The following RALGPS1 variants were observed in gnomAD, a reference collection of about 807,000 sequenced individuals.
The protein encoded by RALGPS1 is Ral GEF with PH domain and SH3 binding motif 1, also known as ras-specific guanine nucleotide-releasing factor RalGPS1.
Under a neutral mutation model 78.8 loss-of-function variants are expected in RALGPS1, and 19 were observed. The ratio of observed to expected loss-of-function variants is 0.24; its 90% CI spans 0.17 to 0.35. The LOEUF is 0.35. Ranked by LOEUF, RALGPS1 falls within the 10% of genes least tolerant of loss-of-function variation. The probability of loss-of-function intolerance (pLI) is 1.00; values close to 1 mark genes in which losing one functional copy is unlikely to be tolerated. For synonymous variants in RALGPS1, 228 were observed against 256.3 expected (o/e 0.89, Z 1.06); for missense variants, 454 against 688.3 (o/e 0.66, Z 3.81).
At chr9:127,175,034 G>A (rs1169222327) in intron 11 of RALGPS1, among the ~76,000 whole-genome samples, 1 of 152,232 alleles carries the variant, frequency 6.6e-6, no homozygotes, top group Non-Finnish European at 1.5e-5. Flanking sequence ...AGCCCCAAGA[G>A]AGGCAGGATC....
chr9:127,031,795 T>C (rs1285465200), intron 4 of RALGPS1, among the ~76,000 whole-genome samples: 1 of 152,260 alleles, frequency 6.6e-6, no homozygotes, highest in Non-Finnish European at 1.5e-5. Context: ...ACATGCATTC[T>C]AGTGCGAAAG....
At chr9:127,199,186 G>A in intron 14 of RALGPS1, 120 bp downstream of exon 14, 2 of 907,792 alleles carry the variant, frequency 2.2e-6, no homozygotes, top group Non-Finnish European at 3.7e-6. Context: ...CTGCTCTGTG[G>A]CTCCTTCAGC....
In RALGPS1 at chr9:126,956,868, A is replaced by C. The variant is rs539314603; in HGVS notation, c.-65-5357A>C. On this transcript the variant is annotated intron_variant, in intron 1 of 18. Coordinates refer to ENST00000259351, the MANE Select transcript of RALGPS1 (RefSeq NM_014636.3). ...TTGATTGAGTACTTGCCCTATGTCC[A>C]GCCCTGATGGAGCATTTTAAACACG... 3.3e-5 allele frequency among the ~76,000 whole-genome samples: 5 copies of C among 152,376 alleles called. No homozygotes were observed. The East Asian group carries it at 9.6e-4, about 29-fold the overall frequency.
At chr9:127,004,406 A>G (rs957113971) in intron 4 of RALGPS1, among the ~76,000 whole-genome samples, 4 of 152,236 alleles carry the variant, frequency 2.6e-5, no homozygotes, top group African/African-American at 9.6e-5. Context: ...TTGGCTTCCC[A>G]AAGTGTTGGG....
At chr9:127,175,316 A>G (rs2059798919) in intron 11 of RALGPS1, among the ~76,000 whole-genome samples, 1 of 152,196 alleles carries the variant, frequency 6.6e-6, no homozygotes, top group African/African-American at 2.4e-5. Context: ...TTTACCTGTA[A>G]TCTTCAGTGG....
At chr9:127,174,669 T>A (rs1002690853) in intron 10 of RALGPS1, 46 bp from the exon 11 acceptor site, 1 of 1,571,442 alleles carries the variant, frequency 6.4e-7, no homozygotes, top group African/African-American at 1.3e-5. Context: ...GGTTCCTGTG[T>A]GGTAAACCAG....
At chr9:126,990,155 C>T (rs184045458) in intron 4 of RALGPS1, 2 of 833,862 alleles carry the variant, frequency 2.4e-6, no homozygotes, top group Middle Eastern at 3.4e-4. Flanking sequence ...AAGAATGTGG[C>T]CAGCAGGCAG....
chr9:127,042,018 A>C (rs551897653), intron 5 of RALGPS1, among the ~76,000 whole-genome samples: 98 of 152,340 alleles, frequency 6.4e-4, no homozygotes, highest in Middle Eastern at 3.4e-3. Flanking sequence ...GTTTCTAAGA[A>C]AACTGTGAAT....
chr9:127,181,252 C>T (rs2060197892), intron 11 of RALGPS1, among the ~76,000 whole-genome samples: 1 of 152,244 alleles, frequency 6.6e-6, no homozygotes, highest in Non-Finnish European at 1.5e-5. Context: ...CCAAGAGTTA[C>T]GTAATACCAG....
intron 8 of RALGPS1, among the ~76,000 whole-genome samples, chr9:127,073,448 G>GTGTGTGTCTGTGTGTGTC: frequency 7.4e-6 from 1 of 134,418 alleles, no homozygotes. Context: ...GTACACCATT[G>GTGTGTGTCTGTGTGTGTC]TGTGTGTGTG....
rs1479180733 is a variant in RALGPS1, at chr9:127,091,123, C to G, written c.610+21767C>G. Among the ~76,000 whole-genome samples, 3 of 152,346 alleles carry G rather than the reference C, an allele frequency of 2.0e-5. No homozygotes were observed. The East Asian group carries it at 5.8e-4, about 29-fold the overall frequency. ...TTTGTATGGAGCCCTCGCTATGTGC[C>G]AAATCCTAGACAAAGCACTTTAGGT... is the stretch of plus-strand genomic sequence containing the variant. On this transcript the variant is annotated intron_variant, in intron 8 of 18. Coordinates refer to ENST00000259351, the MANE Select transcript of RALGPS1 (RefSeq NM_014636.3). The surrounding 1 kb of genome is among the most constrained non-coding windows in gnomAD (Gnocchi z 4.3).
At chr9:127,067,625 C>T (rs554978991) in intron 7 of RALGPS1, among the ~76,000 whole-genome samples, 1 of 152,332 alleles carries the variant, frequency 6.6e-6, no homozygotes, top group East Asian at 1.9e-4. Context: ...CACTGGCCTA[C>T]GTCAGTCTGA....
At chr9:127,196,021 G>T (rs1383792182) in intron 12 of RALGPS1, among the ~76,000 whole-genome samples, 1 of 152,204 alleles carries the variant, frequency 6.6e-6, no homozygotes, top group South Asian at 2.1e-4. Context: ...CCTCTGAGGT[G>T]GGTGCTATTA....
At chr9:127,015,007 A>G (rs2044687431) in intron 4 of RALGPS1, among the ~76,000 whole-genome samples, 1 of 152,216 alleles carries the variant, frequency 6.6e-6, no homozygotes, top group African/African-American at 2.4e-5. Flanking sequence ...TAAATAAAAT[A>G]AAGTAGATTT....
chr9:127,037,191 A>C (rs1039875594), intron 5 of RALGPS1, among the ~76,000 whole-genome samples: 2 of 152,234 alleles, frequency 1.3e-5, no homozygotes, highest in African/African-American at 4.8e-5. Flanking sequence ...AAAGGGGCAG[A>C]GTAGTAGGAG....
intron 4 of RALGPS1, among the ~76,000 whole-genome samples, chr9:127,031,798 T>C (rs978939520): frequency 3.3e-5 from 5 of 152,220 alleles, no homozygotes; most frequent in Non-Finnish European, 7.3e-5. Context: ...TGCATTCTAG[T>C]GCGAAAGATT....
At chr9:127,053,217 C>T (rs994476043) in intron 7 of RALGPS1, among the ~76,000 whole-genome samples, 6 of 152,166 alleles carry the variant, frequency 3.9e-5, no homozygotes, top group Admixed American at 1.3e-4. Flanking sequence ...ACCGGGTCAG[C>T]GGCATGACTT....
intron 4 of RALGPS1, among the ~76,000 whole-genome samples, chr9:127,003,453 A>G (rs1209827804): frequency 6.6e-6 from 1 of 152,072 alleles, no homozygotes; most frequent in Admixed American, 6.5e-5. Context: ...ACATGAAAAA[A>G]TGTTCATCAT....
At position 127,212,151 on chromosome 9, in the gene RALGPS1, G is replaced by C. The variant is rs201198965; in HGVS notation, c.1268G>C (p.Cys423Ser). 5.2e-5 allele frequency: 84 copies of C among 1,613,472 alleles called. No homozygotes were observed. Among genetic ancestry groups the C allele is most frequent in the Non-Finnish European group, 4.6e-5 (54 of 1,179,856 alleles). Residue 423 changes from cysteine (C) to serine (S), a missense_variant, in exon 15 of 19, where the codon TGT (cysteine) becomes TCT (serine). Transcript: ENST00000259351. This position sits in a 1 kb window ranked among gnomAD's most constrained non-coding sequence, Gnocchi z 6.0. The stretch of plus-strand genomic sequence containing the variant: ...CTCAGCCCCACCGGCCCGTGCATCT[G>C]TTCTCTGGGGAACTCCGCAGCTGTG... ...GLESPTGPCI[C>S]SLGNSAAVPT...
Sources: allele counts gnomAD v4.1 joint callset (sites outside exome capture counted in the v4.1 genomes callset), GRCh38; gene constraint gnomAD v4.1.1; non-coding constraint Gnocchi (gnomAD v3.1); transcripts MANE v1.5; gene names NCBI Gene and HGNC (gene_info 2026-07-23, HGNC 2026-07-21).